The following ARHGAP42 variants were observed in gnomAD, a reference collection of about 807,000 sequenced individuals.
ARHGAP42 encodes Rho GTPase activating protein 42, also known as rho GTPase-activating protein 42.
A neutral mutation model predicts 125.0 loss-of-function variants in ARHGAP42; 63 were observed. The ratio of observed to expected loss-of-function variants is 0.50; its 90% CI spans 0.41 to 0.62. The LOEUF (loss-of-function observed/expected upper bound fraction) is 0.62. ARHGAP42 is among the 20% of genes least tolerant of loss of function. ARHGAP42 has a pLI of 0.00. For synonymous variants in ARHGAP42, 339 were observed against 351.0 expected (o/e 0.97, Z 0.38); for missense variants, 766 against 1,024.2 (o/e 0.75, Z 3.44).
At chr11:100,739,688 C>G (rs1290202974) in intron 1 of ARHGAP42, among the ~76,000 whole-genome samples, 1 of 151,836 alleles carries the variant, frequency 6.6e-6, no homozygotes, top group East Asian at 1.9e-4. Context: ...TAATAAGCCC[C>G]TCTTTTCTTG....
At chr11:100,760,811 A>G (rs1862683817) in intron 1 of ARHGAP42, among the ~76,000 whole-genome samples, 1 of 152,158 alleles carries the variant, frequency 6.6e-6, no homozygotes, top group Admixed American at 6.6e-5. Flanking sequence ...CAATAGGATG[A>G]TATGTGACAT....
At chr11:100,811,211 C>T (rs1864134167) in intron 3 of ARHGAP42, among the ~76,000 whole-genome samples, 2 of 152,178 alleles carry the variant, frequency 1.3e-5, no homozygotes, top group Non-Finnish European at 2.9e-5. Context: ...CCACCTCAGC[C>T]TCCCAAAGTG....
chr11:100,724,273 T>C lies in ARHGAP42; in HGVS notation c.154+36441T>C, dbSNP rs548871192. ...TATGTTCGTGGGAGATATTGGTCTG[T>C]AGTTTTCCTTTTTTGTCATGTCTTT... On this transcript the variant is annotated intron_variant, in intron 1 of 23. Transcript: ENST00000298815. Among the ~76,000 whole-genome samples the C allele has an allele frequency of 1.2e-4, 18 of 152,282 alleles. No individual in the cohort carries two copies. The South Asian group carries it at 1.9e-3, about 16-fold the overall frequency.
chr11:100,728,376 C>T (rs1484907652), intron 1 of ARHGAP42, among the ~76,000 whole-genome samples: 1 of 151,982 alleles, frequency 6.6e-6, no homozygotes, highest in Non-Finnish European at 1.5e-5. Context: ...CCAGTTTAGC[C>T]AGGGGCTTAC....
intron 3 of ARHGAP42, among the ~76,000 whole-genome samples, chr11:100,834,992 T>C (rs1864751703): frequency 6.6e-6 from 1 of 152,116 alleles, no homozygotes; most frequent in South Asian, 2.1e-4. Flanking sequence ...TTATTCACCC[T>C]GTTTCATAAG....
At chr11:100,901,287 G>T (rs1469353161) in intron 4 of ARHGAP42, among the ~76,000 whole-genome samples, 1 of 152,142 alleles carries the variant, frequency 6.6e-6, no homozygotes, top group Admixed American at 6.5e-5. Flanking sequence ...TGCAAGCTTC[G>T]TTCCAGAGGG....
intron 2 of ARHGAP42, among the ~76,000 whole-genome samples, chr11:100,781,296 T>C (rs74877500): frequency 3.3e-5 from 5 of 152,062 alleles, no homozygotes; most frequent in African/African-American, 4.8e-5. Flanking sequence ...TTTTTTTTTT[T>C]CTGAATGATC....
chr11:100,821,702 C>T lies in ARHGAP42; in HGVS notation c.312+26536C>T, dbSNP rs1393463547. 4.0e-5 allele frequency among the ~76,000 whole-genome samples: 6 copies of T among 151,638 alleles called. No homozygotes were observed. In the East Asian group the frequency reaches 7.7e-4, roughly 20 times the overall value. ...CCTTCCTCTTATTGCCACCTTTTAACTTGATTTAGTTATTCTCTTCACTAT... is the reference window on the plus strand; with the variant it reads ...CCTTCCTCTTATTGCCACCTTTTAATTTGATTTAGTTATTCTCTTCACTAT... On this transcript the variant is annotated intron_variant, in intron 3 of 23. Coordinates refer to ENST00000298815, the MANE Select transcript of ARHGAP42 (RefSeq NM_152432.4).
intron 1 of ARHGAP42, among the ~76,000 whole-genome samples, chr11:100,744,943 G>A (rs1227639499): frequency 2.0e-5 from 3 of 152,162 alleles, no homozygotes; most frequent in African/African-American, 7.2e-5. Flanking sequence ...CCTGGCGCAC[G>A]TGGCCCCCGC....
chr11:100,954,705 G>A (rs1008594471), intron 12 of ARHGAP42, among the ~76,000 whole-genome samples: 1 of 151,940 alleles, frequency 6.6e-6, no homozygotes, highest in African/African-American at 2.4e-5. Context: ...TTTTATCACA[G>A]AGGCCCAAGA....
chr11:100,742,513 T>C (rs1016487125), intron 1 of ARHGAP42, among the ~76,000 whole-genome samples: 7 of 152,202 alleles, frequency 4.6e-5, no homozygotes, highest in Non-Finnish European at 8.8e-5. Context: ...TTTTATAATT[T>C]GAAGTAACAG....
At chr11:100,933,036 G>A in intron 6 of ARHGAP42, 120 bp from the exon 7 acceptor site, 1 of 639,350 alleles carries the variant, frequency 1.6e-6, no homozygotes, top group Non-Finnish European at 2.5e-6. Flanking sequence ...CCTTGCCAAA[G>A]CCATTGAAAA....
At chr11:100,802,874 T>C (rs2135046037) in intron 3 of ARHGAP42, among the ~76,000 whole-genome samples, 1 of 152,300 alleles carries the variant, frequency 6.6e-6, no homozygotes, top group African/African-American at 2.4e-5. Flanking sequence ...TATCCTGTCA[T>C]GATTGGCTCC....
intron 1 of ARHGAP42, among the ~76,000 whole-genome samples, chr11:100,764,416 T>C (rs1329577708): frequency 6.6e-6 from 1 of 152,176 alleles, no homozygotes; most frequent in African/African-American, 2.4e-5. Flanking sequence ...CCTATTCCAG[T>C]TGGAGTCCAG....
chr11:100,805,406 A>G (rs1863965036), intron 3 of ARHGAP42, among the ~76,000 whole-genome samples: 1 of 152,244 alleles, frequency 6.6e-6, no homozygotes, highest in African/African-American at 2.4e-5. Context: ...AGAAGGGAAG[A>G]AGATAGTCAT....
In ARHGAP42 at chr11:100,897,023, G is replaced by A. The variant is rs544875029; in HGVS notation, c.385-16429G>A. Among the ~76,000 whole-genome samples the A allele has an allele frequency of 2.0e-5, 3 of 152,310 alleles. No homozygotes were observed. In the South Asian group the frequency reaches 6.2e-4, roughly 32 times the overall value. ...TCTTGAATTAATTTTTGTATAAGGT[G>A]TAAGGAAAGGATCCAGTTTCAGCTT... is the stretch of plus-strand genomic sequence containing the variant. On this transcript the variant is annotated intron_variant, in intron 4 of 23. Coordinates refer to ENST00000298815, the MANE Select transcript of ARHGAP42 (RefSeq NM_152432.4).
intron 3 of ARHGAP42, among the ~76,000 whole-genome samples, chr11:100,841,089 C>T (rs1424387525): frequency 1.3e-5 from 2 of 152,112 alleles, no homozygotes; most frequent in Non-Finnish European, 2.9e-5. Flanking sequence ...GATACGTACA[C>T]TTTTGTGTAA....
intron 6 of ARHGAP42, among the ~76,000 whole-genome samples, chr11:100,924,201 T>G (rs1017797547): frequency 6.6e-6 from 1 of 152,102 alleles, no homozygotes; most frequent in African/African-American, 2.4e-5. Flanking sequence ...GGGATCTATC[T>G]TCTACAGATT....
chr11:100,770,232 A>ATTC (rs1862940644), intron 1 of ARHGAP42, 111 bp from the exon 2 acceptor site: 1 of 737,560 alleles, frequency 1.4e-6, no homozygotes, highest in Non-Finnish European at 2.2e-6. Flanking sequence ...GTATTAAAGG[A>ATTC]TTCTGGTTCA....
Sources: gnomAD v4.1 joint callset for allele counts (sites outside exome capture counted in the v4.1 genomes callset) on GRCh38, gnomAD v4.1.1 for gene constraint, MANE v1.5 for transcripts, NCBI Gene and HGNC (gene_info 2026-07-23, HGNC 2026-07-21) for gene names.